ATXN1: variants seen among roughly 807,000 people sequenced by gnomAD.
ATXN1 encodes ataxin-1.
Under a neutral mutation model 56.4 loss-of-function variants are expected in ATXN1, and 8 were observed. The observed-to-expected ratio is 0.14, with a 90% CI of 0.08 to 0.26. The LOEUF (loss-of-function observed/expected upper bound fraction) is 0.26. ATXN1 is among the 10% of genes least tolerant of loss of function. ATXN1 has a pLI of 1.00. For missense variants in ATXN1, 987 were observed against 1,106.5 expected (o/e 0.89, Z 1.53); for synonymous variants, 514 against 494.6 (o/e 1.04, Z -0.52).
intron 6 of ATXN1, among the ~76,000 whole-genome samples, chr6:16,345,346 T>C (rs1216738450): frequency 6.6e-6 from 1 of 152,208 alleles, no homozygotes; most frequent in Non-Finnish European, 1.5e-5. Context: ...AACATTCATA[T>C]CCAATTATCC....
At chr6:16,612,439 G>A (rs1763125581) in intron 3 of ATXN1, among the ~76,000 whole-genome samples, 1 of 152,114 alleles carries the variant, frequency 6.6e-6, no homozygotes, top group Non-Finnish European at 1.5e-5. Context: ...CTAAATAGGT[G>A]TAGAGTATAA....
chr6:16,551,483 C>A lies in ATXN1; in HGVS notation c.-360-28795G>T, dbSNP rs146248378. Among the ~76,000 whole-genome samples the A allele has an allele frequency of 3.4e-3, 524 of 152,044 alleles. 2 individuals carry two copies. The highest frequency in any genetic ancestry group is 0.012 in the African/African-American group (479 of 41,466). On this transcript the variant is annotated intron_variant, in intron 4 of 7. Transcript: ENST00000436367. ...TGCTAATATGTTCAAGAGACCATTGCGGTTGGAGGTGTATGTGTGTGGGGA... is the reference window on the plus strand; with the variant it reads ...TGCTAATATGTTCAAGAGACCATTGAGGTTGGAGGTGTATGTGTGTGGGGA...
intron 7 of ATXN1, among the ~76,000 whole-genome samples, chr6:16,317,033 A>G (rs1375660459): frequency 1.3e-5 from 2 of 152,084 alleles, no homozygotes; most frequent in South Asian, 2.1e-4. Flanking sequence ...TGAGGTCGTC[A>G]TGATTTTATT....
At chr6:16,501,048 C>T (rs998095660) in intron 5 of ATXN1, among the ~76,000 whole-genome samples, 3 of 152,184 alleles carry the variant, frequency 2.0e-5, no homozygotes, top group Non-Finnish European at 4.4e-5. Context: ...AGTTTCATGT[C>T]ACTTTTTTCT....
chr6:16,493,942 T>C (rs551873276), intron 5 of ATXN1, among the ~76,000 whole-genome samples: 2 of 152,230 alleles, frequency 1.3e-5, no homozygotes, highest in Non-Finnish European at 2.9e-5. Flanking sequence ...CCAGGGCTGC[T>C]GGCAATTGCA....
chr6:16,309,870 C>A (rs1182746652), intron 7 of ATXN1, among the ~76,000 whole-genome samples: 1 of 151,412 alleles, frequency 6.6e-6, no homozygotes, highest in African/African-American at 2.4e-5. Context: ...CCCATCTCTA[C>A]TAAAAATGCA....
intron 5 of ATXN1, among the ~76,000 whole-genome samples, chr6:16,517,983 T>A (rs2113691460): frequency 6.6e-6 from 1 of 152,386 alleles, no homozygotes; most frequent in African/African-American, 2.4e-5. Context: ...ATGCCTCCTA[T>A]GTGCTTGGCA....
chr6:16,607,364 A>G lies in ATXN1; in HGVS notation c.-488-21457T>C, dbSNP rs1401783210. On this transcript the variant is annotated intron_variant, in intron 3 of 7. Transcript: ENST00000436367. ...GCATCACAAAATAGGAAACCTGGAC[A>G]TATAAGGGAGAATTAAGTGTTGTCA... Among the ~76,000 whole-genome samples, 3 of 152,250 alleles carry G rather than the reference A, an allele frequency of 2.0e-5. No individual in the cohort carries two copies. In the East Asian group the frequency reaches 5.8e-4, roughly 29 times the overall value.
At chr6:16,416,083 C>A in intron 6 of ATXN1, among the ~76,000 whole-genome samples, 1 of 114,060 alleles carries the variant, frequency 8.8e-6, no homozygotes, top group Admixed American at 1.0e-4. Flanking sequence ...GAAGAACTAC[C>A]AAGCTTTCAA....
intron 1 of ATXN1, among the ~76,000 whole-genome samples, chr6:16,759,901 G>A (rs971391627): frequency 6.6e-5 from 10 of 152,130 alleles, no homozygotes; most frequent in Non-Finnish European, 5.9e-5. Flanking sequence ...CTGAAGAGGG[G>A]TCGGGGCGCT....
At chr6:16,428,895 A>T (rs1406486440) in intron 6 of ATXN1, among the ~76,000 whole-genome samples, 1 of 152,176 alleles carries the variant, frequency 6.6e-6, no homozygotes, top group Non-Finnish European at 1.5e-5. Flanking sequence ...GGAAGAGGGG[A>T]TGGGAGCTGG....
At chr6:16,630,297 A>G (rs974108680) in intron 3 of ATXN1, among the ~76,000 whole-genome samples, 10 of 152,238 alleles carry the variant, frequency 6.6e-5, no homozygotes, top group African/African-American at 2.4e-4. Context: ...CTCCTAGAGG[A>G]GGACACTAGC....
chr6:16,380,405 G>A (rs1319206056), intron 6 of ATXN1, among the ~76,000 whole-genome samples: 1 of 151,746 alleles, frequency 6.6e-6, no homozygotes, highest in Non-Finnish European at 1.5e-5. Context: ...TAATATTCTT[G>A]TGAGTTCCTG....
rs1761065886 is a variant in ATXN1 at position 16,760,790 on chromosome 6, G to A, written c.-730+508C>T. Among the ~76,000 whole-genome samples, 1 of 151,206 alleles carries A rather than the reference G, an allele frequency of 6.6e-6. No individual in the cohort carries two copies. The highest frequency in any genetic ancestry group is 1.5e-5 in the Non-Finnish European group (1 of 67,666). Reference sequence around the variant, plus strand: ...GAGGAGGAATGGGAAGAGGGCGGCCGGGAAAGGGACCACCCCCCAACCCCA... The same window carrying A: ...GAGGAGGAATGGGAAGAGGGCGGCCAGGAAAGGGACCACCCCCCAACCCCA... On this transcript the variant is annotated intron_variant, in intron 1 of 7. Coordinates refer to ENST00000436367, the MANE Select transcript of ATXN1 (RefSeq NM_001128164.2). The surrounding 1 kb of genome is among the most constrained non-coding windows in gnomAD (Gnocchi z 5.3).
chr6:16,433,005 C>A (rs995774501), intron 6 of ATXN1: 1 of 152,080 alleles, frequency 6.6e-6, no homozygotes, highest in Non-Finnish European at 1.5e-5. Flanking sequence ...CAAAGAAGGT[C>A]TTTTGCTGTG....
intron 6 of ATXN1, among the ~76,000 whole-genome samples, chr6:16,406,969 C>T (rs1391223597): frequency 6.6e-6 from 1 of 152,162 alleles, no homozygotes; most frequent in Admixed American, 6.5e-5. Flanking sequence ...ACCCTTTCTG[C>T]AGAAAGTAAA....
intron 6 of ATXN1, among the ~76,000 whole-genome samples, chr6:16,468,314 T>C (rs1279801807): frequency 6.6e-6 from 1 of 152,118 alleles, no homozygotes; most frequent in African/African-American, 2.4e-5. Context: ...GCCTCCTGAG[T>C]AGCTGGGACT....
At chr6:16,310,359 A>G (rs1362359064) in intron 7 of ATXN1, among the ~76,000 whole-genome samples, 2 of 152,252 alleles carry the variant, frequency 1.3e-5, no homozygotes, top group Non-Finnish European at 2.9e-5. Context: ...TTCTTTAGGT[A>G]GAGAAAAAAC....
chr6:16,656,099 A>C (rs975614808), intron 3 of ATXN1, among the ~76,000 whole-genome samples: 1 of 151,884 alleles, frequency 6.6e-6, no homozygotes, highest in Non-Finnish European at 1.5e-5. Flanking sequence ...AAAAAAAAAA[A>C]AAACAAAAAA....
Sources: allele counts gnomAD v4.1 joint callset (sites outside exome capture counted in the v4.1 genomes callset), GRCh38; gene constraint gnomAD v4.1.1; non-coding constraint Gnocchi (gnomAD v3.1); transcripts MANE v1.5; gene names NCBI Gene and HGNC (gene_info 2026-07-23, HGNC 2026-07-21).